LMO7: variants seen among roughly 807,000 people sequenced by gnomAD.
The protein encoded by LMO7 is LIM domain only protein 7.
Under a neutral mutation model 206.5 loss-of-function variants are expected in LMO7, and 120 were observed. The observed-to-expected ratio is 0.58, with a 90% CI of 0.50 to 0.68. The LOEUF (loss-of-function observed/expected upper bound fraction) is 0.68, where lower values mean the gene tolerates loss of function less well. Ranked by LOEUF, LMO7 falls within the 30% of genes least tolerant of loss-of-function variation. The pLI is 0.00. For synonymous variants in LMO7, 706 were observed against 681.5 expected, an observed-to-expected ratio of 1.04 and a Z score of -0.56; for missense variants, 1,959 against 1,957.9, an observed-to-expected ratio of 1.00 and a Z score of -0.01.
chr13:75,842,209 C>T (rs942528903), intron 24 of LMO7, among the ~76,000 whole-genome samples: 2 of 152,178 alleles, frequency 1.3e-5, no homozygotes, highest in African/African-American at 4.8e-5. Flanking sequence ...AGCATCCTTG[C>T]CAAGGCCTAG....
rs945756292 is a variant in LMO7, at chr13:75,636,338, G to A, written c.-320G>A. The A allele has an allele frequency of 1.2e-5, 14 of 1,188,008 alleles. No homozygotes were observed. Among genetic ancestry groups the A allele is most frequent in the Admixed American group, 4.7e-5 (1 of 21,190 alleles). The allele number at this position is 1,188,008 out of a possible 1,614,324, so 73.6% of individuals were successfully genotyped here. A position where few individuals can be genotyped will look rare whatever the true frequency, so the allele number is the denominator to read the frequency against. ...TGCGACTTTTGAAGTCCAAACTGTC[G>A]TCGGGGCTGGTGCCGCGCGCTGCCG... On this transcript the variant is annotated 5_prime_UTR_variant, in exon 1 of 31. Coordinates refer to ENST00000377534, the MANE Select transcript of LMO7 (RefSeq NM_001306080.2).
intron 4 of LMO7, among the ~76,000 whole-genome samples, chr13:75,766,598 G>T (rs1005458809): frequency 6.6e-6 from 1 of 152,248 alleles, no homozygotes; most frequent in East Asian, 1.9e-4. Flanking sequence ...AATACATTAT[G>T]TAAAGATAAA....
chr13:75,729,877 T>G (rs1209994564), intron 3 of LMO7, among the ~76,000 whole-genome samples: 7 of 151,324 alleles, frequency 4.6e-5, no homozygotes, highest in Admixed American at 6.6e-5. Context: ...CTGCATCTAT[T>G]GAGATAATCA....
intron 3 of LMO7, among the ~76,000 whole-genome samples, chr13:75,731,490 T>C (rs1434205098): frequency 5.3e-5 from 8 of 152,200 alleles, no homozygotes; most frequent in Admixed American, 4.6e-4. Context: ...TGGTAGATCT[T>C]CCTCCATTCT....
intron 2 of LMO7, among the ~76,000 whole-genome samples, chr13:75,725,541 G>A (rs543178271): frequency 6.6e-6 from 1 of 151,890 alleles, no homozygotes; most frequent in African/African-American, 2.4e-5. Flanking sequence ...TTGTTAATAG[G>A]GAACAACTAG....
chr13:75,828,051 A>G (rs573678562), intron 15 of LMO7, among the ~76,000 whole-genome samples: 3 of 152,314 alleles, frequency 2.0e-5, no homozygotes, highest in Non-Finnish European at 4.4e-5. Flanking sequence ...GTACATGTTC[A>G]CTGAATGCTG....
chr13:75,795,186 C>T (rs2053820437), intron 4 of LMO7, among the ~76,000 whole-genome samples: 1 of 152,066 alleles, frequency 6.6e-6, no homozygotes, highest in Non-Finnish European at 1.5e-5. Flanking sequence ...TAATGCATAT[C>T]AATGAATACA....
At chr13:75,762,863 A>AT (rs1407654394) in intron 4 of LMO7, among the ~76,000 whole-genome samples, 1 of 152,136 alleles carries the variant, frequency 6.6e-6, no homozygotes, top group East Asian at 1.9e-4. Context: ...GACCCTGGGT[A>AT]TGCTGCAGTG....
At chr13:75,795,315 T>C in intron 4 of LMO7, 86 bp from the exon 5 acceptor site, 1 of 859,498 alleles carries the variant, frequency 1.2e-6, no homozygotes, top group East Asian at 2.6e-5. Flanking sequence ...CATAGAATTT[T>C]AGAATAAAAA....
intron 1 of LMO7, among the ~76,000 whole-genome samples, chr13:75,646,126 A>AG (rs1411498300): frequency 1.3e-5 from 2 of 152,120 alleles, no homozygotes; most frequent in Non-Finnish European, 2.9e-5. Flanking sequence ...TATCTTAGCA[A>AG]ATGGCATCAT....
At chr13:75,841,351 T>C (rs1422184519) in intron 23 of LMO7, 150 bp downstream of exon 23, 2 of 638,220 alleles carry the variant, frequency 3.1e-6, no homozygotes, top group Non-Finnish European at 5.5e-6. Context: ...TCTGATTTGT[T>C]AGAATTTTGC....
In LMO7 at chr13:75,693,939, T is replaced by G. The variant is rs117486929; in HGVS notation, c.70-19243T>G. 9.6e-3 allele frequency among the ~76,000 whole-genome samples: 1,463 copies of G among 152,334 alleles called. 15 individuals carry two copies. The highest frequency in any genetic ancestry group is 0.019 in the Admixed American group (285 of 15,306). On this transcript the variant is annotated intron_variant, in intron 1 of 30. Coordinates refer to ENST00000377534, the MANE Select transcript of LMO7 (RefSeq NM_001306080.2). ...GTGCTCTTTAGTCTCTGAACCTTAG[T>G]TAAAACTTCTCTGTATGCCTTGAGC...
chr13:75,813,770 G>A (rs1357849464), intron 11 of LMO7, among the ~76,000 whole-genome samples: 24 of 152,220 alleles, frequency 1.6e-4, no homozygotes, highest in Admixed American at 1.4e-3. Context: ...ATTGCATGGT[G>A]TAGGAGGATT....
chr13:75,764,790 A>T (rs1182160101), intron 4 of LMO7, among the ~76,000 whole-genome samples: 2 of 152,146 alleles, frequency 1.3e-5, no homozygotes, highest in Non-Finnish European at 2.9e-5. Context: ...TGTTGATAAT[A>T]TCATTACAGA....
At chr13:75,657,240 T>A (rs1034861012) in intron 1 of LMO7, among the ~76,000 whole-genome samples, 1 of 152,204 alleles carries the variant, frequency 6.6e-6, no homozygotes, top group Admixed American at 6.5e-5. Flanking sequence ...CACCTTGATT[T>A]CAGACTTCTA....
chr13:75,713,094 T>G, intron 1 of LMO7, 88 bp from the exon 2 acceptor site: 2 of 842,264 alleles, frequency 2.4e-6, no homozygotes, highest in Non-Finnish European at 3.8e-6. Flanking sequence ...AGTATAACAT[T>G]AAATGCATAT....
intron 3 of LMO7, among the ~76,000 whole-genome samples, chr13:75,745,839 T>C (rs1309203893): frequency 2.0e-5 from 3 of 152,218 alleles, no homozygotes; most frequent in African/African-American, 7.2e-5. Flanking sequence ...GGAACTCACA[T>C]CATTCCATTA....
In LMO7 at chr13:75,726,443, G is replaced by T. The variant is rs565440093; in HGVS notation, c.141-586G>T. Among the ~76,000 whole-genome samples the T allele has an allele frequency of 1.1e-4, 17 of 151,924 alleles. 1 individual carries two copies. In the South Asian group the frequency reaches 3.5e-3, roughly 32 times the overall value. On this transcript the variant is annotated intron_variant, in intron 2 of 30. Transcript: ENST00000377534. ...GATTCTGAGGTAACTTAGTTAATTT[G>T]GGGGAGTTCTGGTACATTGAATTTA...
chr13:75,672,239 GATT>G (rs1198187078), intron 1 of LMO7, among the ~76,000 whole-genome samples: 3 of 134,214 alleles, frequency 2.2e-5, no homozygotes, highest in Non-Finnish European at 5.0e-5. Context: ...GTTAAAAAAA[GATT>G]TTTTTTTTTT....
Sources: gnomAD v4.1 joint callset for allele counts (sites outside exome capture counted in the v4.1 genomes callset) on GRCh38, gnomAD v4.1.1 for gene constraint, MANE v1.5 for transcripts, NCBI Gene and HGNC (gene_info 2026-07-23, HGNC 2026-07-21) for gene names.